USP28: variants seen among roughly 807,000 people sequenced by gnomAD.
USP28 encodes ubiquitin carboxyl-terminal hydrolase 28.
Under a neutral mutation model 145.0 loss-of-function variants are expected in USP28, and 113 were observed. The observed-to-expected ratio is 0.78, with a 90% confidence interval of 0.67 to 0.91. The LOEUF (loss-of-function observed/expected upper bound fraction) is 0.91, where lower values mean the gene tolerates loss of function less well. Among genes scored for constraint, USP28 ranks in the 40% least tolerant of loss-of-function variants. The pLI is 0.00. For synonymous variants in USP28, 447 were observed against 450.9 expected (o/e 0.99, Z 0.11); for missense variants, 1,201 against 1,289.6 (o/e 0.93, Z 1.05).
chr11:113,824,596 G>A (rs1943073951), intron 11 of USP28, among the ~76,000 whole-genome samples: 1 of 151,400 alleles, frequency 6.6e-6, no homozygotes, highest in East Asian at 2.0e-4. Context: ...TGGGATTACA[G>A]GTGTGAGCCA....
chr11:113,874,403 C>T (rs1348372436), intron 1 of USP28: 1 of 986,050 alleles, frequency 1.0e-6, no homozygotes, highest in Non-Finnish European at 1.3e-6. Context: ...CCAGCCTAGG[C>T]AACAGAGGGA....
chr11:113,851,615 T>C (rs995855410), intron 3 of USP28, among the ~76,000 whole-genome samples: 2 of 152,048 alleles, frequency 1.3e-5, no homozygotes, highest in Non-Finnish European at 2.9e-5. Flanking sequence ...GCCAACATGG[T>C]AAAACCCCGT....
chr11:113,868,433 C>T (rs1948504870), intron 1 of USP28, among the ~76,000 whole-genome samples: 1 of 129,594 alleles, frequency 7.7e-6, no homozygotes, highest in South Asian at 2.4e-4. Context: ...TATTAAAGTG[C>T]TACATAGTCA....
At chr11:113,808,556 C>T (rs1397215310) in intron 17 of USP28, 119 bp from the exon 18 acceptor site, 21 of 1,086,644 alleles carry the variant, frequency 1.9e-5, no homozygotes, top group Non-Finnish European at 2.6e-5. Context: ...CAGCTTTTTA[C>T]AAAAGCCTAT....
chr11:113,840,513 T>G, intron 5 of USP28, 85 bp downstream of exon 5: 1 of 1,501,562 alleles, frequency 6.7e-7, no homozygotes, highest in Non-Finnish European at 9.0e-7. Context: ...ATTTTAATCC[T>G]TTGAAAGCTA....
chr11:113,875,046 C>T (rs938806921), intron 1 of USP28, among the ~76,000 whole-genome samples: 5 of 152,168 alleles, frequency 3.3e-5, no homozygotes, highest in African/African-American at 9.7e-5. Context: ...CTTTTAAAAA[C>T]GCCGCCATAA....
At chr11:113,822,879 A>C (rs979231305) in intron 12 of USP28, among the ~76,000 whole-genome samples, 2 of 152,116 alleles carry the variant, frequency 1.3e-5, no homozygotes, top group Non-Finnish European at 2.9e-5. Context: ...TAGGCCTGGT[A>C]TGGAAAGTGT....
At chr11:113,807,125 T>C (rs922954982) in intron 18 of USP28, among the ~76,000 whole-genome samples, 2 of 151,284 alleles carry the variant, frequency 1.3e-5, no homozygotes, top group Admixed American at 6.6e-5. Flanking sequence ...CAGGCTGGAG[T>C]GCAATGGCGT....
intron 2 of USP28, among the ~76,000 whole-genome samples, chr11:113,853,145 A>G (rs1946660339): frequency 6.6e-6 from 1 of 151,804 alleles, no homozygotes; most frequent in African/African-American, 2.4e-5. Context: ...CCTACCAAAA[A>G]TACAAAAACT....
chr11:113,851,431 A>T (rs1265548196), intron 3 of USP28, among the ~76,000 whole-genome samples: 1 of 152,062 alleles, frequency 6.6e-6, no homozygotes, highest in African/African-American at 2.4e-5. Flanking sequence ...CTGTTCCCTG[A>T]GCAAGCCAAG....
At chr11:113,813,157 A>T (rs990209929) in intron 15 of USP28, among the ~76,000 whole-genome samples, 1 of 152,238 alleles carries the variant, frequency 6.6e-6, no homozygotes, top group Non-Finnish European at 1.5e-5. Flanking sequence ...ACTTTGACCT[A>T]TTTTAATTAC....
At chr11:113,871,204 G>A (rs990795248) in intron 1 of USP28, among the ~76,000 whole-genome samples, 4 of 152,126 alleles carry the variant, frequency 2.6e-5, no homozygotes, top group Admixed American at 2.6e-4. Context: ...AAATCAGCTG[G>A]AGAGGCAGAG....
intron 19 of USP28, among the ~76,000 whole-genome samples, chr11:113,805,843 C>A (rs528340624): frequency 1.8e-4 from 27 of 152,280 alleles, no homozygotes; most frequent in African/African-American, 6.0e-4. Context: ...CTAGCCAAGG[C>A]TGGGTTAGGG....
chr11:113,867,307 C>T (rs369234400), intron 1 of USP28, among the ~76,000 whole-genome samples: 9 of 152,032 alleles, frequency 5.9e-5, no homozygotes, highest in Non-Finnish European at 1.3e-4. Context: ...ACTCTTGTCA[C>T]TCAGGCTAGA....
chr11:113,825,311 C>T (rs921297299), intron 11 of USP28, among the ~76,000 whole-genome samples: 2 of 152,116 alleles, frequency 1.3e-5, no homozygotes, highest in African/African-American at 4.8e-5. Context: ...GATATTCCCA[C>T]ACACCCACTA....
chr11:113,840,726 G>A lies in USP28; in HGVS notation c.406C>T (p.Arg136Cys), dbSNP rs113247986. ...ACTTCACAGCGTTTTCTCTTTGAGC[G>A]TTTAGTTTCTGCAGAGGTTGCTTCA... The change falls in exon 5 of 25, where the codon CGC becomes TGC. Residue 136 changes from arginine (R) to cysteine (C), a missense_variant. By Grantham distance (180) the Arg-to-Cys change is radical. Coordinates refer to ENST00000003302, the Ensembl canonical transcript of USP28. The A allele has an allele frequency of 8.0e-5, 129 of 1,614,174 alleles. No individual in the cohort carries two copies. The highest frequency in any genetic ancestry group is 1.6e-4 in the South Asian group (15 of 91,072).
chr11:113,799,208 G>C (rs1220026419), exon 25 of USP28: 1 of 1,593,324 alleles, frequency 6.3e-7, no homozygotes, highest in Non-Finnish European at 8.5e-7. Flanking sequence ...CAGGCAGCCA[G>C]GAACCAGAAT....
intron 1 of USP28, chr11:113,874,745 G>C: frequency 8.6e-7 from 1 of 1,169,424 alleles, no homozygotes; most frequent in Non-Finnish European, 1.1e-6. Flanking sequence ...TCTCAAACCA[G>C]GGTTCTTTCA....
chr11:113,811,913 A>T (rs541311865), intron 16 of USP28, among the ~76,000 whole-genome samples: 5 of 152,180 alleles, frequency 3.3e-5, no homozygotes, highest in Non-Finnish European at 7.3e-5. Context: ...AAATATAGAG[A>T]TTGCTAAATA....
Sources: allele counts gnomAD v4.1 joint callset (sites outside exome capture counted in the v4.1 genomes callset), GRCh38; gene constraint gnomAD v4.1.1; transcripts MANE v1.5; gene names NCBI Gene and HGNC (gene_info 2026-07-23, HGNC 2026-07-21).